The following STRBP variants were observed in gnomAD, a reference collection of about 807,000 sequenced individuals.
The protein encoded by STRBP is spermatid perinuclear RNA binding protein.
STRBP carries 13 observed loss-of-function variants against 80.1 expected under a neutral mutation model. The ratio of observed to expected loss-of-function variants is 0.16; its 90% CI spans 0.11 to 0.26. The LOEUF (loss-of-function observed/expected upper bound fraction) is 0.26. Ranked by LOEUF, STRBP falls within the 10% of genes least tolerant of loss-of-function variation. The pLI, the probability that STRBP is intolerant of heterozygous loss-of-function variation, is 1.00. For synonymous variants in STRBP, 284 were observed against 291.2 expected (o/e 0.98, Z 0.25); for missense variants, 485 against 815.2 (o/e 0.59, Z 4.93).
intron 2 of STRBP, among the ~76,000 whole-genome samples, chr9:123,211,231 T>C (rs867396772): frequency 8.5e-5 from 13 of 152,244 alleles, no homozygotes; most frequent in Admixed American, 5.2e-4. Flanking sequence ...CATGCAACAT[T>C]ATGAATAAAT....
At chr9:123,137,699 T>A (rs1050074739) in intron 14 of STRBP, among the ~76,000 whole-genome samples, 107 of 152,170 alleles carry the variant, frequency 7.0e-4, no homozygotes, top group African/African-American at 2.5e-3. Context: ...TGCACCACCA[T>A]GCCCAGCCCA....
At chr9:123,143,004 G>T (rs1327639365) in intron 13 of STRBP, among the ~76,000 whole-genome samples, 3 of 152,140 alleles carry the variant, frequency 2.0e-5, no homozygotes, top group Non-Finnish European at 4.4e-5. Flanking sequence ...GTTAGGAAAG[G>T]CTGTGACTGA....
In STRBP at chr9:123,173,777, A is replaced by C. The variant is rs1472757954; in HGVS notation, c.290T>G (p.Ile97Ser). Residue 97 changes from isoleucine (I) to serine (S), a missense_variant, in exon 5 of 19, where the codon ATT (isoleucine) becomes AGT (serine). Coordinates refer to ENST00000348403, the MANE Select transcript of STRBP (RefSeq NM_018387.5). ...RIGLVAKGLL[I>S]KDDMDLELVL... ...CAGCTCCAAGTCCATATCATCTTTA[A>C]TCAGCAAGCCTTTTGCAACCAGGCC... 6.2e-7 allele frequency: 1 copy of C among 1,613,980 alleles called. No individual in the cohort carries two copies. Among genetic ancestry groups the C allele is most frequent in the African/African-American group, 1.3e-5 (1 of 75,020 alleles).
At chr9:123,112,460 C>G (rs1433307596) in intron 3 of STRBP, 1 of 167,344 alleles carries the variant, frequency 6.0e-6, no homozygotes, top group East Asian at 1.9e-4. Flanking sequence ...GCCAGCTATT[C>G]CCACCTTCTG....
At chr9:123,151,063 C>T (rs2037037772) in intron 11 of STRBP, among the ~76,000 whole-genome samples, 2 of 152,076 alleles carry the variant, frequency 1.3e-5, no homozygotes, top group South Asian at 4.1e-4. Context: ...AATAACCAGG[C>T]ACATGAGAAG....
chr9:123,221,733 C>T (rs530669001), intron 2 of STRBP, among the ~76,000 whole-genome samples: 40 of 152,200 alleles, frequency 2.6e-4, no homozygotes, highest in Middle Eastern at 3.4e-3. Flanking sequence ...TCTTCATTTC[C>T]GGCAATGATT....
chr9:123,168,320 A>G (rs533827265), intron 6 of STRBP: 29 of 666,624 alleles, frequency 4.4e-5, no homozygotes, highest in Non-Finnish European at 5.0e-5. Flanking sequence ...TACTACATAC[A>G]GCAAAAAAAT....
downstream of STRBP, among the ~76,000 whole-genome samples, chr9:123,120,361 C>T (rs879448368): frequency 6.6e-6 from 1 of 151,732 alleles, no homozygotes; most frequent in Non-Finnish European, 1.5e-5. Flanking sequence ...TCAGGAGGCA[C>T]TGGCATCAGA....
At chr9:123,247,126 A>T (rs1321108093) in intron 1 of STRBP, among the ~76,000 whole-genome samples, 1 of 152,230 alleles carries the variant, frequency 6.6e-6, no homozygotes, top group Non-Finnish European at 1.5e-5. Context: ...AGGGGAGAAC[A>T]GCCACTACCC....
rs1460344084 is a variant in STRBP, at chr9:123,159,081, G to A, written c.835+15C>T. 1 of 1,594,292 alleles carries A rather than the reference G, an allele frequency of 6.3e-7. No individual in the cohort carries two copies. The highest frequency in any genetic ancestry group is 8.6e-7 in the Non-Finnish European group (1 of 1,162,286). On this transcript the variant is annotated intron_variant, in intron 9 of 18. Coordinates refer to ENST00000348403, the MANE Select transcript of STRBP (RefSeq NM_018387.5). ...ATTTGCTGATTGTTCTGCTTCCAGAGTTTGAAACCCTTACCAGGAAGTAGT... is the reference window on the plus strand; with the variant it reads ...ATTTGCTGATTGTTCTGCTTCCAGAATTTGAAACCCTTACCAGGAAGTAGT...
At chr9:123,206,441 C>T (rs946054638) in intron 2 of STRBP, among the ~76,000 whole-genome samples, 17 of 152,002 alleles carry the variant, frequency 1.1e-4, no homozygotes, top group African/African-American at 3.4e-4. Context: ...AAACTACTTA[C>T]AGATGAATGT....
chr9:123,234,099 G>T (rs1250381924), intron 2 of STRBP, among the ~76,000 whole-genome samples: 1 of 151,580 alleles, frequency 6.6e-6, no homozygotes, highest in Non-Finnish European at 1.5e-5. Flanking sequence ...TACTCAGGAG[G>T]CTGAGGCAGG....
intron 5 of STRBP, among the ~76,000 whole-genome samples, chr9:123,172,977 C>T (rs2038071632): frequency 6.6e-6 from 1 of 152,084 alleles, no homozygotes; most frequent in African/African-American, 2.4e-5. Context: ...AATTGGACCA[C>T]AGACAATATG....
At position 123,248,178 on chromosome 9, in the gene STRBP, A is replaced by T. The variant is rs181469746; in HGVS notation, c.-301-11212T>A. On this transcript the variant is annotated intron_variant, in intron 1 of 18. Transcript: ENST00000348403. ...CATAAATGCAAATAACATAATACTC[A>T]AATCTATGTGATCTTGGCATATTTA... Among the ~76,000 whole-genome samples the T allele has an allele frequency of 2.0e-5, 3 of 152,248 alleles. No homozygotes were observed. The East Asian group carries it at 5.8e-4, about 29-fold the overall frequency.
chr9:123,215,738 C>T (rs968803619), intron 2 of STRBP, among the ~76,000 whole-genome samples: 5 of 152,074 alleles, frequency 3.3e-5, no homozygotes, highest in Non-Finnish European at 7.4e-5. Context: ...GAGCTGAGAT[C>T]GTGCCATTGC....
At chr9:123,240,743 T>C (rs2040675809) in intron 1 of STRBP, among the ~76,000 whole-genome samples, 1 of 152,210 alleles carries the variant, frequency 6.6e-6, no homozygotes. Context: ...TTCTCTGGTA[T>C]CACACTGTCT....
intron 13 of STRBP, among the ~76,000 whole-genome samples, chr9:123,144,588 G>C (rs901569763): frequency 6.6e-6 from 1 of 152,020 alleles, no homozygotes; most frequent in African/African-American, 2.4e-5. Context: ...AGAAGGCTTG[G>C]AAGAAAAAAT....
intron 2 of STRBP, among the ~76,000 whole-genome samples, chr9:123,213,321 TTCA>T (rs964580545): frequency 6.6e-6 from 1 of 152,204 alleles, no homozygotes; most frequent in African/African-American, 2.4e-5. Context: ...ATCTCAGTTA[TTCA>T]GAATGTGTAA....
rs191188051 is a variant in STRBP, at chr9:123,221,543, T to A, written c.-165+15287A>T. ...AATTAACACTTGTGTACTCTTCATT[T>A]AGGTTCATCAATAGTTAACGTTTTG... On this transcript the variant is annotated intron_variant, in intron 2 of 18. Transcript: ENST00000348403. Among the ~76,000 whole-genome samples, 29 of 152,374 alleles carry A rather than the reference T, an allele frequency of 1.9e-4. 1 individual carries two copies. The Middle Eastern group carries it at 0.01, about 54-fold the overall frequency.
Sources: allele counts gnomAD v4.1 joint callset (sites outside exome capture counted in the v4.1 genomes callset), GRCh38; gene constraint gnomAD v4.1.1; transcripts MANE v1.5; gene names NCBI Gene and HGNC (gene_info 2026-07-23, HGNC 2026-07-21).